The following ZNRF2 variants were observed in gnomAD, a reference collection of about 807,000 sequenced individuals.
The protein encoded by ZNRF2 is E3 ubiquitin-protein ligase ZNRF2.
ZNRF2 carries 16 observed loss-of-function variants against 20.4 expected under a neutral mutation model. The observed-to-expected ratio is 0.79, with a 90% CI of 0.53 to 1.19. The LOEUF (loss-of-function observed/expected upper bound fraction) is 1.19, where lower values mean the gene tolerates loss of function less well. ZNRF2 is among the 50% of genes most tolerant of loss of function. The pLI, the probability that ZNRF2 is intolerant of heterozygous loss-of-function variation, is 0.00. For missense variants in ZNRF2, 363 were observed against 332.4 expected, an observed-to-expected ratio of 1.09 and a Z score of -0.72; for synonymous variants, 178 against 144.9, an observed-to-expected ratio of 1.23 and a Z score of -1.64.
At chr7:30,335,688 C>T (rs1025678442) in intron 2 of ZNRF2, among the ~76,000 whole-genome samples, 13 of 151,666 alleles carry the variant, frequency 8.6e-5, no homozygotes, top group African/African-American at 3.1e-4. Flanking sequence ...TGGTTGGGGG[C>T]AAGAGAGAAT....
chr7:30,311,553 G>A (rs1316125923), intron 1 of ZNRF2, among the ~76,000 whole-genome samples: 1 of 152,150 alleles, frequency 6.6e-6, no homozygotes, highest in East Asian at 1.9e-4. Flanking sequence ...GAAAGTTAAT[G>A]ACTTTTGTCA....
chr7:30,295,096 T>TGA (rs1562603787), intron 1 of ZNRF2, among the ~76,000 whole-genome samples: 1 of 144,818 alleles, frequency 6.9e-6, no homozygotes, highest in East Asian at 2.1e-4. Context: ...TGTGTGTGTG[T>TGA]GTGTGATTGC....
chr7:30,327,199 T>C (rs1045181353), intron 2 of ZNRF2, among the ~76,000 whole-genome samples: 1 of 152,236 alleles, frequency 6.6e-6, no homozygotes, highest in Non-Finnish European at 1.5e-5. Flanking sequence ...TGTCATGAAA[T>C]CTTTGCCTGT....
At chr7:30,310,182 C>T (rs1470382179) in intron 1 of ZNRF2, among the ~76,000 whole-genome samples, 1 of 152,188 alleles carries the variant, frequency 6.6e-6, no homozygotes, top group East Asian at 1.9e-4. Context: ...TGAGAATAAA[C>T]AGGTGTGGCA....
intron 4 of ZNRF2, among the ~76,000 whole-genome samples, chr7:30,362,685 C>G (rs981011801): frequency 6.6e-5 from 10 of 151,960 alleles, no homozygotes; most frequent in Non-Finnish European, 2.9e-5. Flanking sequence ...AGGCCTCAGG[C>G]AGGTGGATCA....
intron 1 of ZNRF2, among the ~76,000 whole-genome samples, chr7:30,287,876 T>C (rs183609945): frequency 2.0e-5 from 3 of 152,308 alleles, no homozygotes; most frequent in African/African-American, 7.2e-5. Flanking sequence ...TGAAATAATT[T>C]CCTGTGTTTG....
chr7:30,307,656 T>A (rs1341697691), intron 1 of ZNRF2, among the ~76,000 whole-genome samples: 1 of 152,102 alleles, frequency 6.6e-6, no homozygotes, highest in Non-Finnish European at 1.5e-5. Flanking sequence ...CAAGTGTTTT[T>A]TAAAGGTATA....
intron 1 of ZNRF2, among the ~76,000 whole-genome samples, chr7:30,317,448 G>A (rs954059574): frequency 6.6e-6 from 1 of 152,234 alleles, no homozygotes; most frequent in African/African-American, 2.4e-5. Context: ...CTTGATCTGG[G>A]CTTGAAGGGA....
rs546493960 is a variant in ZNRF2 at position 30,356,798 on chromosome 7, T to C, written c.671+965T>C. ...TCGGCTCACTGCAAGCTCCGCCTCCTGGGTTCACGCCATTCTCCTGCCTCA... is the reference window on the plus strand; with the variant it reads ...TCGGCTCACTGCAAGCTCCGCCTCCCGGGTTCACGCCATTCTCCTGCCTCA... On this transcript the variant is annotated intron_variant, in intron 3 of 4. Transcript: ENST00000323037. 5.4e-3 allele frequency among the ~76,000 whole-genome samples: 798 copies of C among 146,848 alleles called. 8 individuals are homozygous for C. The highest frequency in any genetic ancestry group is 0.016 in the South Asian group (75 of 4,560).
intron 1 of ZNRF2, among the ~76,000 whole-genome samples, chr7:30,290,095 C>A (rs1209756392): frequency 6.6e-6 from 1 of 152,106 alleles, no homozygotes; most frequent in Non-Finnish European, 1.5e-5. Flanking sequence ...AGTGTAGGAA[C>A]TGCTTTATGT....
intron 2 of ZNRF2, among the ~76,000 whole-genome samples, chr7:30,340,277 A>G (rs1427677618): frequency 6.6e-6 from 1 of 152,190 alleles, no homozygotes. Flanking sequence ...AGAACTTCCA[A>G]TACTATGTTG....
chr7:30,296,937 G>T (rs1337666119), intron 1 of ZNRF2, among the ~76,000 whole-genome samples: 4 of 152,160 alleles, frequency 2.6e-5, no homozygotes, highest in Admixed American at 6.5e-5. Context: ...TTCTTTAGCT[G>T]TTATCTGGAG....
chr7:30,325,752 A>C (rs1799541092), intron 2 of ZNRF2, among the ~76,000 whole-genome samples: 1 of 152,204 alleles, frequency 6.6e-6, no homozygotes, highest in African/African-American at 2.4e-5. Flanking sequence ...AAGTGGTTTT[A>C]AGCAGTTACT....
intron 4 of ZNRF2, among the ~76,000 whole-genome samples, chr7:30,365,654 G>A (rs1350559000): frequency 6.6e-6 from 1 of 152,108 alleles, no homozygotes; most frequent in African/African-American, 2.4e-5. Flanking sequence ...ATTTTGTAAG[G>A]CACTGTGTAG....
chr7:30,350,625 G>A (rs568663722), intron 2 of ZNRF2, among the ~76,000 whole-genome samples: 1 of 152,038 alleles, frequency 6.6e-6, no homozygotes, highest in South Asian at 2.1e-4. Context: ...TTAATGTTAC[G>A]TTCTTTTATA....
At position 30,285,230 on chromosome 7, in the gene ZNRF2, C is replaced by T. The variant is rs1798751390; in HGVS notation, c.-128C>T. 1.4e-6 allele frequency: 1 copy of T among 699,224 alleles called. No individual in the cohort carries two copies. Among genetic ancestry groups the T allele is most frequent in the Non-Finnish European group, 1.9e-6 (1 of 525,830 alleles). The allele number at this position is 699,224 out of a possible 1,614,324, so 43.3% of individuals were successfully genotyped here. A position where few individuals can be genotyped will look rare whatever the true frequency, so the allele number is the denominator to read the frequency against. ...GCCCCTCTGGACGCCGGGCGGCGGC[C>T]CTGGACGTGCGGGGGCCTCTCTGGG... On this transcript the variant is annotated 5_prime_UTR_variant, in exon 1 of 5. Transcript: ENST00000323037.
chr7:30,354,067 A>G (rs764690358), intron 2 of ZNRF2, among the ~76,000 whole-genome samples: 1 of 152,074 alleles, frequency 6.6e-6, no homozygotes, highest in Non-Finnish European at 1.5e-5. Context: ...AGATACTAGA[A>G]CAATAAGAGA....
intron 3 of ZNRF2, among the ~76,000 whole-genome samples, chr7:30,356,373 G>A (rs1800038860): frequency 1.3e-5 from 2 of 151,688 alleles, no homozygotes; most frequent in African/African-American, 4.8e-5. Flanking sequence ...GATGAGGTGG[G>A]GGAAAACTTA....
intron 3 of ZNRF2, among the ~76,000 whole-genome samples, chr7:30,357,141 C>T (rs1008373357): frequency 2.0e-5 from 3 of 152,080 alleles, no homozygotes; most frequent in Non-Finnish European, 2.9e-5. Context: ...TAGAGCAATG[C>T]AGTTAAGTTT....
Sources: allele counts gnomAD v4.1 joint callset (sites outside exome capture counted in the v4.1 genomes callset), GRCh38; gene constraint gnomAD v4.1.1; transcripts MANE v1.5; gene names NCBI Gene and HGNC (gene_info 2026-07-23, HGNC 2026-07-21).